Variants in PSMD1 observed in about 807,000 individuals in gnomAD.
The protein encoded by PSMD1 is 26S proteasome non-ATPase regulatory subunit 1.
PSMD1 carries 18 observed loss-of-function variants against 119.0 expected under a neutral mutation model. The observed-to-expected ratio is 0.15, with a 90% CI of 0.10 to 0.22. PSMD1 has a LOEUF of 0.22. PSMD1 is among the 10% of genes least tolerant of loss of function. The pLI is 1.00. For synonymous variants in PSMD1, 374 were observed against 396.6 expected (o/e 0.94, Z 0.68); for missense variants, 702 against 1,158.5 (o/e 0.61, Z 5.72).
At chr2:231,098,733 G>A (rs1018006686) in intron 16 of PSMD1, among the ~76,000 whole-genome samples, 31 of 152,296 alleles carry the variant, frequency 2.0e-4, no homozygotes, top group African/African-American at 7.5e-4. Flanking sequence ...CTCGACCCAA[G>A]TATACAACTG....
intron 16 of PSMD1, among the ~76,000 whole-genome samples, chr2:231,107,930 T>C (rs1695015229): frequency 6.6e-6 from 1 of 152,248 alleles, no homozygotes; most frequent in Admixed American, 6.5e-5. Flanking sequence ...CAAGTTCTTG[T>C]TATTTTGTGT....
chr2:231,131,761 CAAAAAAAAAAA>C lies in PSMD1; in HGVS notation c.1884-6959_1884-6949del, dbSNP rs540366686. ...TGGGCGACAGAGCGAGACTCCGTCT[CAAAAAAAAAAA>C]AAAAAAAAAAAAAAAGAAAGTTTTT... On this transcript the variant is annotated intron_variant, in intron 16 of 24. Transcript: ENST00000308696. Among the ~76,000 whole-genome samples the C allele has an allele frequency of 5.9e-4, 7 of 11,842 alleles. 2 individuals are homozygous for C. The highest frequency in any genetic ancestry group is 8.5e-4 in the Admixed American group (1 of 1,170). 7.8% of individuals were successfully genotyped at this position (11,842 alleles called of 152,430 possible).
rs1696886667 is a variant in PSMD1 at position 231,170,384 on chromosome 2, G to T, written c.2716-182G>T. On this transcript the variant is annotated intron_variant, in intron 23 of 24. Transcript: ENST00000308696. The surrounding 1 kb of genome is among the most constrained non-coding windows in gnomAD (Gnocchi z 4.1). ...ATGTTATACCATCTAGAGCTACTGG[G>T]TTAAGTTTGCAAATACTTCGTATAG... The T allele has an allele frequency of 3.7e-6, 2 of 539,840 alleles. No individual in the cohort carries two copies. Among genetic ancestry groups the T allele is most frequent in the East Asian group, 6.5e-5 (2 of 30,540 alleles). 33.4% of individuals were successfully genotyped at this position (539,840 alleles called of 1,614,324 possible). A position where few individuals can be genotyped will look rare whatever the true frequency, so the allele number is the denominator to read the frequency against.
At chr2:231,101,982 A>G (rs1325297709) in intron 16 of PSMD1, among the ~76,000 whole-genome samples, 1 of 152,094 alleles carries the variant, frequency 6.6e-6, no homozygotes, top group Non-Finnish European at 1.5e-5. Context: ...TGCCTGGCTA[A>G]TTTTGGTTTG....
intron 24 of PSMD1, among the ~76,000 whole-genome samples, chr2:231,172,109 T>G (rs1475055686): frequency 1.3e-5 from 2 of 152,242 alleles, no homozygotes; most frequent in Non-Finnish European, 2.9e-5. Flanking sequence ...AACTTACTTT[T>G]GAAAATTATC....
At chr2:231,088,388 C>G (rs763171678) in intron 16 of PSMD1, among the ~76,000 whole-genome samples, 1 of 152,216 alleles carries the variant, frequency 6.6e-6, no homozygotes, top group African/African-American at 2.4e-5. Context: ...TTTGCAGATA[C>G]TGCATTTGTT....
rs775645610 is a variant in PSMD1, at chr2:231,138,720, TTC to T, written c.1884-14_1884-13del. 1.3e-6 allele frequency: 2 copies of T among 1,589,626 alleles called. No individual in the cohort carries two copies. Among genetic ancestry groups the T allele is most frequent in the Middle Eastern group, 1.7e-4 (1 of 5,922 alleles). On this transcript the variant is annotated splice_polypyrimidine_tract_variant and intron_variant, in intron 16 of 24. Coordinates refer to ENST00000308696, the MANE Select transcript of PSMD1 (RefSeq NM_002807.4). ...GATTACCTATAACAGTGGCTTCGCTTTCTGTTTCTTATCAGAACCCCTGAACA... is the reference window on the plus strand; with the variant it reads ...GATTACCTATAACAGTGGCTTCGCTTTGTTTCTTATCAGAACCCCTGAACA...
In PSMD1 at chr2:231,131,488, C is replaced by A. The variant is rs573369507; in HGVS notation, c.1884-7248C>A. On this transcript the variant is annotated intron_variant, in intron 16 of 24. Transcript: ENST00000308696. ...AGAAAGTTTTTTTGCCCTTGCCGGG[C>A]GCGGTGGCTCACGCCTGTAATCCCA... 2.8e-4 allele frequency among the ~76,000 whole-genome samples: 13 copies of A among 46,252 alleles called. 5 individuals carry two copies. The highest frequency in any genetic ancestry group is 2.1e-3 in the Admixed American group (13 of 6,110). 30.3% of individuals were successfully genotyped at this position (46,252 alleles called of 152,430 possible). A position where few individuals can be genotyped will look rare whatever the true frequency, so the allele number is the denominator to read the frequency against.
chr2:231,112,913 C>A (rs893984931), intron 16 of PSMD1, among the ~76,000 whole-genome samples: 5 of 152,040 alleles, frequency 3.3e-5, no homozygotes, highest in African/African-American at 1.2e-4. Context: ...GCCTGTAATC[C>A]CAGCACTTTG....
intron 16 of PSMD1, among the ~76,000 whole-genome samples, chr2:231,118,059 A>G (rs1695404029): frequency 6.6e-6 from 1 of 151,434 alleles, no homozygotes; most frequent in Non-Finnish European, 1.5e-5. Context: ...TGTCTCTGCC[A>G]CTTACTTTGT....
rs199906717 is a variant in PSMD1 at position 231,113,697 on chromosome 2, A to G, written c.1884-25039A>G. ...AGCCAAGTGGAACCAAAGATTTTGT[A>G]TACCACCCACACTCTGGCATTCTCT... On this transcript the variant is annotated intron_variant, in intron 16 of 24. Coordinates refer to ENST00000308696, the MANE Select transcript of PSMD1 (RefSeq NM_002807.4). The G allele has an allele frequency of 4.2e-5, 67 of 1,584,016 alleles. No homozygotes were observed. The African/African-American group carries it at 7.7e-4, about 18-fold the overall frequency.
At chr2:231,149,895 C>G (rs1468987735) in intron 18 of PSMD1, among the ~76,000 whole-genome samples, 1 of 152,122 alleles carries the variant, frequency 6.6e-6, no homozygotes, top group Non-Finnish European at 1.5e-5. Context: ...ATGGGGAAGT[C>G]ATGATAGCAT....
chr2:231,133,276 G>A (rs935507818), intron 16 of PSMD1, among the ~76,000 whole-genome samples: 9 of 152,056 alleles, frequency 5.9e-5, no homozygotes, highest in Non-Finnish European at 1.2e-4. Flanking sequence ...GTAGAGACGG[G>A]GTTTCACCAT....
chr2:231,117,803 C>G (rs1003734227), intron 16 of PSMD1, among the ~76,000 whole-genome samples: 4 of 152,090 alleles, frequency 2.6e-5, no homozygotes, highest in African/African-American at 9.7e-5. Context: ...CACAAGTATT[C>G]TTTTCCACTT....
At chr2:231,061,237 C>T (rs770371539) in intron 1 of PSMD1, 30 bp from the exon 2 acceptor site, 1 of 1,551,642 alleles carries the variant, frequency 6.4e-7, no homozygotes, top group South Asian at 1.2e-5. Context: ...GAATGTGTTT[C>T]ATAATCATGT....
At chr2:231,132,387 G>A (rs981209476) in intron 16 of PSMD1, among the ~76,000 whole-genome samples, 2 of 152,154 alleles carry the variant, frequency 1.3e-5, no homozygotes, top group Non-Finnish European at 2.9e-5. Context: ...TATCCTGCAT[G>A]CCATTAGTTC....
In PSMD1 at chr2:231,078,698, A is replaced by G. The variant is rs1694227517; in HGVS notation, c.1111A>G (p.Ile371Val). 1.9e-6 allele frequency: 3 copies of G among 1,609,722 alleles called. No individual in the cohort carries two copies. The highest frequency in any genetic ancestry group is 1.7e-5 in the Admixed American group (1 of 59,606). Residue 371 changes from isoleucine (I) to valine (V), a missense_variant, in exon 10 of 25, where the codon ATA becomes GTA. Coordinates refer to ENST00000308696, the MANE Select transcript of PSMD1 (RefSeq NM_002807.4). ...TTCTGTATGTCATACTGCAACCGTT[A>G]TAGCAAACTCTTTTATGCACTGTGG... ...RNSVCHTATV[I>V]ANSFMHCGTT...
At chr2:231,102,270 TGTA>T (rs1694887119) in intron 16 of PSMD1, among the ~76,000 whole-genome samples, 1 of 152,176 alleles carries the variant, frequency 6.6e-6, no homozygotes, top group African/African-American at 2.4e-5. Context: ...CTCTCTTTAT[TGTA>T]GTAGTCTAGA....
At chr2:231,110,680 GAA>G (rs1695128460) in intron 16 of PSMD1, among the ~76,000 whole-genome samples, 1 of 152,160 alleles carries the variant, frequency 6.6e-6, no homozygotes, top group African/African-American at 2.4e-5. Flanking sequence ...TACACCACCA[GAA>G]AGAGGATTCT....
Sources: gnomAD v4.1 joint callset for allele counts (sites outside exome capture counted in the v4.1 genomes callset) on GRCh38, gnomAD v4.1.1 for gene constraint, Gnocchi (gnomAD v3.1) non-coding constraint, MANE v1.5 for transcripts, NCBI Gene and HGNC (gene_info 2026-07-23, HGNC 2026-07-21) for gene names.